EPHA6: variants seen among roughly 807,000 people sequenced by gnomAD.
EPHA6 encodes ephrin type-A receptor 6.
Under a neutral mutation model 112.0 loss-of-function variants are expected in EPHA6, and 50 were observed. That is an observed-to-expected ratio of 0.45 (90% CI 0.36 to 0.56). EPHA6 has a LOEUF of 0.56. Ranked by LOEUF, EPHA6 falls within the 20% of genes least tolerant of loss-of-function variation. The pLI, the probability that EPHA6 is intolerant of heterozygous loss-of-function variation, is 0.00. For missense variants in EPHA6, 1,280 were observed against 1,417.4 expected (o/e 0.90, Z 1.56); for synonymous variants, 529 against 490.7 (o/e 1.08, Z -1.03).
chr3:96,833,868 C>G (rs62262933), intron 1 of EPHA6, among the ~76,000 whole-genome samples: 6,921 of 152,000 alleles, frequency 0.046, 202 homozygotes, highest in Middle Eastern at 0.075. Context: ...CTACAAATTA[C>G]TAGACCTTAT....
At chr3:97,179,824 C>T (rs1014046979) in intron 3 of EPHA6, among the ~76,000 whole-genome samples, 2 of 150,530 alleles carry the variant, frequency 1.3e-5, no homozygotes, top group African/African-American at 2.5e-5. Flanking sequence ...ACCATTGTAA[C>T]TGCACTGGGT....
intron 3 of EPHA6, among the ~76,000 whole-genome samples, chr3:97,081,988 C>A (rs958936090): frequency 1.1e-4 from 16 of 151,308 alleles, no homozygotes; most frequent in Admixed American, 2.0e-4. Context: ...AGCTTTTTTG[C>A]AATTATAAAA....
intron 3 of EPHA6, among the ~76,000 whole-genome samples, chr3:97,006,947 A>G (rs541156782): frequency 6.6e-6 from 1 of 152,164 alleles, no homozygotes; most frequent in South Asian, 2.1e-4. Context: ...TTCTAATTTG[A>G]TTGCACTGTG....
chr3:97,352,720 C>T (rs900488432), intron 5 of EPHA6, among the ~76,000 whole-genome samples: 2 of 152,214 alleles, frequency 1.3e-5, no homozygotes, highest in Admixed American at 6.5e-5. Context: ...AGCTAGGCCA[C>T]GAGGCCTGCA....
intron 5 of EPHA6, among the ~76,000 whole-genome samples, chr3:97,316,406 T>A (rs2081839221): frequency 6.6e-6 from 1 of 151,884 alleles, no homozygotes; most frequent in African/African-American, 2.4e-5. Context: ...GGAACACCAA[T>A]CAAGAAGATG....
intron 3 of EPHA6, among the ~76,000 whole-genome samples, chr3:97,051,695 CT>C (rs1403640087): frequency 6.6e-6 from 1 of 152,096 alleles, no homozygotes; most frequent in East Asian, 1.9e-4. Flanking sequence ...AGGAAGATTG[CT>C]TCTAGTTAAT....
At chr3:97,137,073 A>G (rs533407691) in intron 3 of EPHA6, among the ~76,000 whole-genome samples, 3 of 152,334 alleles carry the variant, frequency 2.0e-5, no homozygotes, top group South Asian at 4.1e-4. Flanking sequence ...ATTTAAAAAA[A>G]TTAAAAAACA....
At chr3:97,369,585 A>G (rs2084935991) in intron 5 of EPHA6, among the ~76,000 whole-genome samples, 1 of 152,110 alleles carries the variant, frequency 6.6e-6, no homozygotes, top group Non-Finnish European at 1.5e-5. Flanking sequence ...GTTTGGTATG[A>G]GCTTCTTGCC....
At chr3:97,598,052 G>T (rs1036087623) in intron 12 of EPHA6, among the ~76,000 whole-genome samples, 1 of 152,128 alleles carries the variant, frequency 6.6e-6, no homozygotes, top group South Asian at 2.1e-4. Flanking sequence ...TGATCAAATT[G>T]CACTTCAGAA....
At chr3:96,982,018 T>A (rs1446437449) in intron 2 of EPHA6, among the ~76,000 whole-genome samples, 1 of 152,178 alleles carries the variant, frequency 6.6e-6, no homozygotes. Flanking sequence ...ACTGGACTCA[T>A]TGAGTTTTTG....
rs151264687 is a variant in EPHA6 at position 97,017,679 on chromosome 3, A to G, written c.1114+29686A>G. Among the ~76,000 whole-genome samples the G allele has an allele frequency of 5.3e-3, 809 of 152,166 alleles. 6 individuals carry two copies. The highest frequency in any genetic ancestry group is 0.018 in the African/African-American group (730 of 41,552). ...GCTAGATGTATTGGAGCTCCATTGT[A>G]CGTTATTTGTTTCTTTTCTCTTGCT... On this transcript the variant is annotated intron_variant, in intron 3 of 17. Coordinates refer to ENST00000389672, the MANE Select transcript of EPHA6 (RefSeq NM_001080448.3).
chr3:97,284,461 A>G (rs1357680231), intron 5 of EPHA6, among the ~76,000 whole-genome samples: 2 of 151,940 alleles, frequency 1.3e-5, no homozygotes, highest in East Asian at 1.9e-4. Flanking sequence ...CTTTTGTTTC[A>G]TTTACCTGTG....
At chr3:97,456,070 G>A (rs9875629) in intron 7 of EPHA6, among the ~76,000 whole-genome samples, 17,785 of 151,970 alleles carry the variant, frequency 0.12, 3,284 homozygotes, top group African/African-American at 0.39. Context: ...GTGTTACAGC[G>A]TGGCTCATAT....
At chr3:97,444,596 A>G (rs1420069198) in intron 6 of EPHA6, among the ~76,000 whole-genome samples, 1 of 152,160 alleles carries the variant, frequency 6.6e-6, no homozygotes, top group East Asian at 1.9e-4. Flanking sequence ...CTAAAAGGTA[A>G]TTTGCCAGGG....
At chr3:97,694,138 T>A (rs923737056) in intron 14 of EPHA6, among the ~76,000 whole-genome samples, 2 of 152,168 alleles carry the variant, frequency 1.3e-5, no homozygotes, top group African/African-American at 4.8e-5. Context: ...AGTTTCTAGT[T>A]CTATTCTGCC....
intron 10 of EPHA6, among the ~76,000 whole-genome samples, chr3:97,530,613 A>T (rs2092685088): frequency 6.6e-6 from 1 of 151,344 alleles, no homozygotes; most frequent in African/African-American, 2.4e-5. Flanking sequence ...AAAAAACAGG[A>T]TTATTCTTGT....
intron 2 of EPHA6, among the ~76,000 whole-genome samples, chr3:96,979,294 T>C (rs1026895401): frequency 6.7e-6 from 1 of 148,416 alleles, no homozygotes; most frequent in Admixed American, 6.8e-5. Flanking sequence ...AGTGAGAACA[T>C]GCGGTGTTTG....
chr3:97,006,098 C>T (rs896583547), intron 3 of EPHA6, among the ~76,000 whole-genome samples: 3 of 152,054 alleles, frequency 2.0e-5, no homozygotes, highest in African/African-American at 2.4e-5. Context: ...TGTGTCTCTT[C>T]CCAGTTTTGG....
intron 3 of EPHA6, among the ~76,000 whole-genome samples, chr3:97,180,341 A>G (rs576072499): frequency 1.3e-5 from 2 of 152,210 alleles, no homozygotes; most frequent in South Asian, 4.2e-4. Context: ...CAAGTCCTGG[A>G]ATATGGAGCC....
Sources: gnomAD v4.1 joint callset for allele counts (sites outside exome capture counted in the v4.1 genomes callset) on GRCh38, gnomAD v4.1.1 for gene constraint, MANE v1.5 for transcripts, NCBI Gene and HGNC (gene_info 2026-07-23, HGNC 2026-07-21) for gene names.